PABPC4L: variants seen among roughly 807,000 people sequenced by gnomAD.
PABPC4L encodes polyadenylate-binding protein 4-like.
For synonymous variants in PABPC4L, 169 were observed against 164.1 expected (o/e 1.03, Z -0.23); for missense variants, 452 against 451.4 (o/e 1.00, Z -0.01).
At chr4:133,960,737 G>A in the PABPC4L span, among the ~76,000 whole-genome samples, 30 of 152,288 alleles carry the variant, frequency 2.0e-4, no homozygotes, top group African/African-American at 7.0e-4. Context: ...CATGATGGGA[G>A]TGAGACTGGC....
chr4:134,120,393 C>T, the PABPC4L span, among the ~76,000 whole-genome samples: 23 of 148,224 alleles, frequency 1.6e-4, no homozygotes, highest in African/African-American at 5.4e-4. Context: ...TTTAATACTT[C>T]CAAAAATATT....
At chr4:134,132,369 C>T in the PABPC4L span, among the ~76,000 whole-genome samples, 1 of 151,220 alleles carries the variant, frequency 6.6e-6, no homozygotes, top group South Asian at 2.1e-4. Flanking sequence ...TGAGCAAGAA[C>T]AAAACAAACA....
At chr4:134,020,025 G>T in the PABPC4L span, among the ~76,000 whole-genome samples, 2 of 152,080 alleles carry the variant, frequency 1.3e-5, no homozygotes, top group Non-Finnish European at 2.9e-5. Flanking sequence ...CTCAAGTTAA[G>T]AGCTGAAATA....
the PABPC4L span, among the ~76,000 whole-genome samples, chr4:134,111,502 C>CACAT: frequency 6.6e-6 from 1 of 151,962 alleles, no homozygotes. Flanking sequence ...CACACACAAG[C>CACAT]ACATACACAC....
chr4:133,955,136 A>C, the PABPC4L span, among the ~76,000 whole-genome samples: 1 of 152,292 alleles, frequency 6.6e-6, no homozygotes, highest in South Asian at 2.1e-4. Flanking sequence ...AGGGAAAGAT[A>C]AACAGGCTTA....
At chr4:134,137,502 C>T in the PABPC4L span, among the ~76,000 whole-genome samples, 1 of 151,772 alleles carries the variant, frequency 6.6e-6, no homozygotes, top group Non-Finnish European at 1.5e-5. Flanking sequence ...GGTCAAATAC[C>T]GAGACTAGTT....
chr4:134,026,629 A>C, the PABPC4L span, among the ~76,000 whole-genome samples: 2 of 152,050 alleles, frequency 1.3e-5, no homozygotes, highest in East Asian at 1.9e-4. Context: ...GTCCCCCCCC[A>C]AAATTCATAT....
the PABPC4L span, among the ~76,000 whole-genome samples, chr4:134,075,993 T>C: frequency 6.6e-6 from 1 of 151,120 alleles, no homozygotes; most frequent in South Asian, 2.1e-4. Flanking sequence ...AACAGGGCAA[T>C]CATTTCTTAT....
At chr4:134,077,959 A>C in the PABPC4L span, among the ~76,000 whole-genome samples, 1 of 151,846 alleles carries the variant, frequency 6.6e-6, no homozygotes, top group East Asian at 1.9e-4. Context: ...ACCACCCCAC[A>C]AAAAAACAAA....
the PABPC4L span, among the ~76,000 whole-genome samples, chr4:134,050,116 A>G: frequency 2.9e-4 from 44 of 152,288 alleles, no homozygotes; most frequent in East Asian, 7.9e-3. Flanking sequence ...AGCAGAGAAG[A>G]TTAAGAAAAA....
At chr4:134,000,918 G>A in the PABPC4L span, among the ~76,000 whole-genome samples, 1 of 152,036 alleles carries the variant, frequency 6.6e-6, no homozygotes, top group Non-Finnish European at 1.5e-5. Flanking sequence ...GCTTTCTGAT[G>A]GCAGATTTTG....
At chr4:134,035,479 A>C in the PABPC4L span, among the ~76,000 whole-genome samples, 1 of 152,054 alleles carries the variant, frequency 6.6e-6, no homozygotes, top group South Asian at 2.1e-4. Context: ...AAAAATTATT[A>C]AATCTACTAT....
At chr4:134,063,984 C>A in the PABPC4L span, among the ~76,000 whole-genome samples, 1 of 151,874 alleles carries the variant, frequency 6.6e-6, no homozygotes, top group Non-Finnish European at 1.5e-5. Flanking sequence ...GAAAATTATT[C>A]CTAAAACATT....
At chr4:134,028,438 CTTT>C in the PABPC4L span, among the ~76,000 whole-genome samples, 2 of 145,618 alleles carry the variant, frequency 1.4e-5, no homozygotes. Context: ...ATTTCTTTTC[CTTT>C]TTTTTTTTTT....
chr4:134,025,822 AATG>A, the PABPC4L span, among the ~76,000 whole-genome samples: 2 of 152,098 alleles, frequency 1.3e-5, no homozygotes, highest in African/African-American at 4.8e-5. Context: ...AAGTTTTGTC[AATG>A]ATAAGAGAAA....
At chr4:134,182,794 A>T in the PABPC4L span, among the ~76,000 whole-genome samples, 1 of 152,090 alleles carries the variant, frequency 6.6e-6, no homozygotes, top group Non-Finnish European at 1.5e-5. Context: ...AGATGGGCAA[A>T]GGACATAAAG....
At chr4:134,142,473 G>A in the PABPC4L span, among the ~76,000 whole-genome samples, 1 of 151,612 alleles carries the variant, frequency 6.6e-6, no homozygotes. Flanking sequence ...AAATGTATCC[G>A]ATGCCTTTAG....
the PABPC4L span, among the ~76,000 whole-genome samples, chr4:134,176,049 G>C: frequency 6.6e-6 from 1 of 152,052 alleles, no homozygotes; most frequent in Admixed American, 6.6e-5. Flanking sequence ...ATAATGAATG[G>C]TGACCTAGAA....
chr4:134,013,739 T>C, the PABPC4L span, among the ~76,000 whole-genome samples: 2 of 151,968 alleles, frequency 1.3e-5, no homozygotes, highest in Non-Finnish European at 2.9e-5. Context: ...CTTCTTTCCC[T>C]CCCACCTGTC....
Sources: allele counts gnomAD v4.1 joint callset (sites outside exome capture counted in the v4.1 genomes callset), GRCh38; gene constraint gnomAD v4.1.1; transcripts MANE v1.5; gene names NCBI Gene and HGNC (gene_info 2026-07-23, HGNC 2026-07-21).